The following LUZP2 variants were observed in gnomAD, a reference collection of about 807,000 sequenced individuals.
LUZP2 encodes leucine zipper protein 2.
In LUZP2, 52 loss-of-function variants were observed where a neutral mutation model predicts 51.6. The observed-to-expected ratio is 1.01, with a 90% CI of 0.81 to 1.27. The LOEUF (loss-of-function observed/expected upper bound fraction) is 1.27. Ranked by LOEUF, LUZP2 falls within the 50% of genes most tolerant of loss-of-function variation. LUZP2 has a pLI of 0.00. For synonymous variants in LUZP2, 154 were observed against 137.3 expected (o/e 1.12, Z -0.85); for missense variants, 436 against 395.4 (o/e 1.10, Z -0.87).
At chr11:24,997,057 TG>T (rs1007900674) in intron 9 of LUZP2, among the ~76,000 whole-genome samples, 1 of 148,888 alleles carries the variant, frequency 6.7e-6, no homozygotes, top group African/African-American at 2.5e-5. Flanking sequence ...TTTGCTATTG[TG>T]AATAGTGCCA....
intron 1 of LUZP2, among the ~76,000 whole-genome samples, chr11:24,646,333 G>C (rs1855461493): frequency 6.6e-6 from 1 of 152,040 alleles, no homozygotes; most frequent in Non-Finnish European, 1.5e-5. Context: ...ATATAAGAGA[G>C]TTTTAAATTT....
At chr11:24,616,474 CATGT>C (rs1218375559) in intron 1 of LUZP2, among the ~76,000 whole-genome samples, 48 of 52,848 alleles carry the variant, frequency 9.1e-4, no homozygotes, top group East Asian at 2.4e-3. Context: ...TTGGCGTGCG[CATGT>C]GTGTGTGTGT....
At chr11:24,628,395 T>C (rs1464921578) in intron 1 of LUZP2, among the ~76,000 whole-genome samples, 5 of 152,128 alleles carry the variant, frequency 3.3e-5, no homozygotes, top group Non-Finnish European at 7.4e-5. Context: ...TCTCTGTTAT[T>C]TATAGAGGCC....
intron 1 of LUZP2, among the ~76,000 whole-genome samples, chr11:24,583,921 C>T (rs575197700): frequency 3.9e-4 from 59 of 151,122 alleles, no homozygotes; most frequent in African/African-American, 1.4e-3. Flanking sequence ...ACCGTGTTAG[C>T]GAGGATGGTC....
chr11:24,804,080 A>G (rs1252335047), intron 5 of LUZP2, among the ~76,000 whole-genome samples: 1 of 151,884 alleles, frequency 6.6e-6, no homozygotes, highest in Non-Finnish European at 1.5e-5. Flanking sequence ...TTCCACTAGC[A>G]ATTCCTTAAT....
chr11:25,012,174 T>C (rs1857003987), intron 9 of LUZP2, among the ~76,000 whole-genome samples: 1 of 152,180 alleles, frequency 6.6e-6, no homozygotes, highest in African/African-American at 2.4e-5. Context: ...AAACACTGAG[T>C]GACACTTTCC....
chr11:25,004,348 TC>T (rs1331627193), intron 9 of LUZP2, among the ~76,000 whole-genome samples: 5 of 152,180 alleles, frequency 3.3e-5, no homozygotes, highest in African/African-American at 9.7e-5. Context: ...CCATTTTCTG[TC>T]CTCTGAACCA....
chr11:24,575,177 G>A (rs1852603178), intron 1 of LUZP2, among the ~76,000 whole-genome samples: 1 of 152,012 alleles, frequency 6.6e-6, no homozygotes, highest in East Asian at 1.9e-4. Flanking sequence ...ATTAAAGGAT[G>A]GCTATATTTA....
intron 5 of LUZP2, among the ~76,000 whole-genome samples, chr11:24,778,477 C>T (rs1849004057): frequency 6.6e-6 from 1 of 152,016 alleles, no homozygotes; most frequent in African/African-American, 2.4e-5. Flanking sequence ...CCTTAAAAAT[C>T]ATAGAAATTA....
chr11:24,624,713 A>G (rs1212451819), intron 1 of LUZP2, among the ~76,000 whole-genome samples: 1 of 152,166 alleles, frequency 6.6e-6, no homozygotes, highest in East Asian at 1.9e-4. Context: ...CTTTTATCCT[A>G]TTATGTTATT....
chr11:24,842,734 A>G (rs1851075987), intron 5 of LUZP2, among the ~76,000 whole-genome samples: 1 of 152,020 alleles, frequency 6.6e-6, no homozygotes, highest in Non-Finnish European at 1.5e-5. Context: ...CTATAATGAA[A>G]ATACTGCTTT....
chr11:25,081,974 C>T lies in LUZP2; in HGVS notation c.*3316C>T, dbSNP rs887087922. ...GTATATGTTTCTAAATTAGAAATTT[C>T]TTTTGGCTTTGTGTTTTTTTAATGT... On this transcript the variant is annotated 3_prime_UTR_variant, in exon 12 of 12. Coordinates refer to ENST00000336930, the MANE Select transcript of LUZP2 (RefSeq NM_001009909.4). The T allele has an allele frequency of 6.6e-6, 1 of 151,964 alleles. No individual in the cohort carries two copies. Among genetic ancestry groups the T allele is most frequent in the Non-Finnish European group, 1.5e-5 (1 of 67,954 alleles). The allele number at this position is 151,964 out of a possible 1,614,324, so 9.4% of individuals were successfully genotyped here.
At chr11:24,898,293 A>G (rs1231435107) in intron 5 of LUZP2, among the ~76,000 whole-genome samples, 2 of 152,078 alleles carry the variant, frequency 1.3e-5, no homozygotes, top group Non-Finnish European at 2.9e-5. Flanking sequence ...ATCTGTTTTC[A>G]GGTAATCTGG....
chr11:24,607,829 A>ACT (rs570860762), intron 1 of LUZP2, among the ~76,000 whole-genome samples: 2 of 145,154 alleles, frequency 1.4e-5, no homozygotes, highest in African/African-American at 2.5e-5. Flanking sequence ...TCTCTATTTT[A>ACT]TTTTTTTTTT....
At chr11:24,822,340 A>G (rs1850386343) in intron 5 of LUZP2, among the ~76,000 whole-genome samples, 1 of 152,118 alleles carries the variant, frequency 6.6e-6, no homozygotes, top group Non-Finnish European at 1.5e-5. Flanking sequence ...TGAGCACCAG[A>G]CATCCCATAC....
At chr11:24,909,667 AATG>A (rs761188805) in intron 6 of LUZP2, among the ~76,000 whole-genome samples, 4 of 152,188 alleles carry the variant, frequency 2.6e-5, no homozygotes, top group Non-Finnish European at 5.9e-5. Context: ...AGCACAAAAT[AATG>A]ATAACCATGT....
At chr11:24,829,729 A>G (rs1312505123) in intron 5 of LUZP2, among the ~76,000 whole-genome samples, 1 of 152,212 alleles carries the variant, frequency 6.6e-6, no homozygotes, top group Non-Finnish European at 1.5e-5. Context: ...TAAATTTTCC[A>G]GAGAGAAACT....
At chr11:24,614,335 C>T (rs897767925) in intron 1 of LUZP2, among the ~76,000 whole-genome samples, 1 of 151,950 alleles carries the variant, frequency 6.6e-6, no homozygotes, top group Admixed American at 6.6e-5. Flanking sequence ...CAAACTATAA[C>T]CATCTTTTTC....
chr11:24,692,341 G>T (rs905461862), intron 1 of LUZP2, among the ~76,000 whole-genome samples: 2 of 152,034 alleles, frequency 1.3e-5, no homozygotes, highest in African/African-American at 4.8e-5. Flanking sequence ...ACTAATAAGT[G>T]CTGGCAAAAC....
Sources: allele counts gnomAD v4.1 joint callset (sites outside exome capture counted in the v4.1 genomes callset), GRCh38; gene constraint gnomAD v4.1.1; transcripts MANE v1.5; gene names NCBI Gene and HGNC (gene_info 2026-07-23, HGNC 2026-07-21).